Variants in KLRF1 observed in about 807,000 individuals in gnomAD.
KLRF1 encodes killer cell lectin-like receptor subfamily F member 1.
A neutral mutation model predicts 30.7 loss-of-function variants in KLRF1; 27 were observed. The observed-to-expected ratio is 0.88, with a 90% CI of 0.65 to 1.21. The LOEUF (loss-of-function observed/expected upper bound fraction) is 1.21. KLRF1 is among the 50% of genes most tolerant of loss of function. The pLI, the probability that KLRF1 is intolerant of heterozygous loss-of-function variation, is 0.00. For synonymous variants in KLRF1, 92 were observed against 89.3 expected (o/e 1.03, Z -0.17); for missense variants, 246 against 259.3 (o/e 0.95, Z 0.35).
the KLRF1 span, among the ~76,000 whole-genome samples, chr12:9,801,891 G>A: frequency 0.1 from 15,785 of 152,016 alleles, 1,037 homozygotes; most frequent in East Asian, 0.37. Context: ...TGTTGCAATT[G>A]CTTTTAGCAT....
At chr12:9,824,139 G>C (rs1867255696), upstream of KLRF1, among the ~76,000 whole-genome samples, 1 of 151,976 alleles carries the variant, frequency 6.6e-6, no homozygotes, top group East Asian at 1.9e-4. Context: ...ACATCATCCT[G>C]ATACCAAAAC....
chr12:9,833,170 A>C (rs1006554869), intron 2 of KLRF1, 133 bp from the exon 3 acceptor site: 1 of 556,378 alleles, frequency 1.8e-6, no homozygotes, highest in Non-Finnish European at 2.9e-6. Flanking sequence ...TAGACATGAA[A>C]ATTTTAAAAA....
the KLRF1 span, among the ~76,000 whole-genome samples, chr12:9,810,482 T>C: frequency 7.0e-4 from 107 of 152,332 alleles, no homozygotes; most frequent in African/African-American, 2.3e-3. Flanking sequence ...TAATGAAATG[T>C]TTGTTTTTAA....
chr12:9,822,821 C>T (rs1445075496), upstream of KLRF1, among the ~76,000 whole-genome samples: 1 of 151,904 alleles, frequency 6.6e-6, no homozygotes, highest in Non-Finnish European at 1.5e-5. Flanking sequence ...GGTTTGCAAT[C>T]CTAATTTCAG....
rs1731080940 is a variant in KLRF1 at position 9,832,477 on chromosome 12, CT to C, written c.184+68del. On this transcript the variant is annotated intron_variant, in intron 2 of 5. Transcript: ENST00000617889. The stretch of plus-strand genomic sequence containing the variant: ...AGATGTTTACTTGTCTCTTATAAAT[CT>C]TTTTATAATTATTCATTCATTCTTC... The C allele has an allele frequency of 4.3e-6, 4 of 938,878 alleles. No homozygotes were observed. In the East Asian group the frequency reaches 1.0e-4, roughly 25 times the overall value. 58.2% of individuals were successfully genotyped at this position (938,878 alleles called of 1,614,324 possible).
chr12:9,805,220 T>C, the KLRF1 span, among the ~76,000 whole-genome samples: 2 of 151,938 alleles, frequency 1.3e-5, no homozygotes, highest in African/African-American at 4.8e-5. Context: ...ATTTATTTCT[T>C]ACAATTCTGG....
chr12:9,810,749 A>G, the KLRF1 span, among the ~76,000 whole-genome samples: 1 of 152,212 alleles, frequency 6.6e-6, no homozygotes, highest in African/African-American at 2.4e-5. Flanking sequence ...GCACATTAAG[A>G]GTTTATGAGT....
chr12:9,800,308 A>T, the KLRF1 span, among the ~76,000 whole-genome samples: 4 of 152,046 alleles, frequency 2.6e-5, no homozygotes, highest in Admixed American at 6.6e-5. Context: ...GTTTTCAAAG[A>T]AAATTTTAAA....
At chr12:9,838,160 G>A (rs185717781) in intron 3 of KLRF1, among the ~76,000 whole-genome samples, 1 of 152,174 alleles carries the variant, frequency 6.6e-6, no homozygotes, top group Admixed American at 6.5e-5. Context: ...GCAGGATCCT[G>A]CTCCCACATA....
the KLRF1 span, among the ~76,000 whole-genome samples, chr12:9,819,598 G>A: frequency 1.3e-5 from 2 of 152,054 alleles, no homozygotes; most frequent in Non-Finnish European, 2.9e-5. Context: ...TCCTCACTGA[G>A]GTCCACAACC....
chr12:9,822,041 A>G, the KLRF1 span, among the ~76,000 whole-genome samples: 3 of 152,252 alleles, frequency 2.0e-5, no homozygotes, highest in Non-Finnish European at 4.4e-5. Flanking sequence ...ATCATGGCTA[A>G]AGAAACACTC....
intron 1 of KLRF1, among the ~76,000 whole-genome samples, chr12:9,828,370 C>G (rs1045396594): frequency 1.3e-5 from 2 of 152,214 alleles, no homozygotes; most frequent in African/African-American, 2.4e-5. Context: ...CATGAGCCAC[C>G]GCGCCCAGCC....
chr12:9,824,164 C>T (rs1867255926), upstream of KLRF1, among the ~76,000 whole-genome samples: 1 of 151,466 alleles, frequency 6.6e-6, no homozygotes, highest in African/African-American at 2.4e-5. Context: ...AGAAGCACAA[C>T]AAAAAAAAGA....
the KLRF1 span, among the ~76,000 whole-genome samples, chr12:9,821,263 C>T: frequency 4.6e-5 from 7 of 152,100 alleles, no homozygotes; most frequent in Non-Finnish European, 8.8e-5. Flanking sequence ...CTGAACACTT[C>T]CAGTAACAGC....
At chr12:9,842,744 C>T (rs982319066) in intron 5 of KLRF1, among the ~76,000 whole-genome samples, 1 of 151,854 alleles carries the variant, frequency 6.6e-6, no homozygotes, top group African/African-American at 2.4e-5. Context: ...AAAATAAAAC[C>T]AATGTGCATT....
At chr12:9,844,294 A>T in intron 5 of KLRF1, 124 bp from the exon 6 acceptor site, 1 of 584,008 alleles carries the variant, frequency 1.7e-6, no homozygotes, top group Non-Finnish European at 3.0e-6. Context: ...TAGTGAATCC[A>T]AGTATGTAAA....
At chr12:9,802,601 C>T in the KLRF1 span, among the ~76,000 whole-genome samples, 45,433 of 151,744 alleles carry the variant, frequency 0.3, 8,124 homozygotes, top group Non-Finnish European at 0.39. Flanking sequence ...TTGTCTCAGC[C>T]TAAAAACTCC....
At position 9,833,407 on chromosome 12, in the gene KLRF1, ATAAG is replaced by A. The variant is rs758770090; in HGVS notation, c.293_296del (p.Ser98IlefsTer34). 2.7e-5 allele frequency: 44 copies of A among 1,612,392 alleles called. No individual in the cohort carries two copies. The Admixed American group carries it at 5.3e-4, about 20-fold the overall frequency. ...AGTGAATAATGGCACAAGAAGAAAT[ATAAG>A]TAATAAGGACCTTTGTGCTTCGAGA... is the stretch of plus-strand genomic sequence containing the variant. On this transcript the variant is annotated frameshift_variant, in exon 3 of 6. Coordinates refer to ENST00000617889, the MANE Select transcript of KLRF1 (RefSeq NM_016523.3). LOFTEE classifies it high-confidence loss of function.
the KLRF1 span, among the ~76,000 whole-genome samples, chr12:9,801,880 T>G: frequency 6.6e-6 from 1 of 152,152 alleles, no homozygotes; most frequent in Non-Finnish European, 1.5e-5. Context: ...ATTTTGGCTT[T>G]TGTTGCAATT....
Sources: gnomAD v4.1 joint callset for allele counts (sites outside exome capture counted in the v4.1 genomes callset) on GRCh38, gnomAD v4.1.1 for gene constraint, MANE v1.5 for transcripts, NCBI Gene and HGNC (gene_info 2026-07-23, HGNC 2026-07-21) for gene names.